LIMS1: variants seen among roughly 807,000 people sequenced by gnomAD.
The protein encoded by LIMS1 is LIM and senescent cell antigen-like-containing domain protein 1.
In LIMS1, 18 loss-of-function variants were observed where a neutral mutation model predicts 44.1. The ratio of observed to expected loss-of-function variants is 0.41; its 90% CI spans 0.28 to 0.61. The LOEUF is 0.61. Ranked by LOEUF, LIMS1 falls within the 20% of genes least tolerant of loss-of-function variation. The pLI, the probability that LIMS1 is intolerant of heterozygous loss-of-function variation, is 0.32. For missense variants in LIMS1, 201 were observed against 422.0 expected (o/e 0.48, Z 4.59); for synonymous variants, 93 against 149.1 (o/e 0.62, Z 2.74).
chr2:108,534,821 G>A (rs1684069883), intron 1 of LIMS1, among the ~76,000 whole-genome samples: 1 of 151,798 alleles, frequency 6.6e-6, no homozygotes, highest in African/African-American at 2.4e-5. Context: ...GGTGGCACAG[G>A]CGCTGACGCC....
At position 108,683,539 on chromosome 2, in the gene LIMS1, C is replaced by CAAAAA. The variant is rs35864001; in HGVS notation, c.900-330_900-326dup. ...TGAGTGACAGTCGAGGCTCTGTTTC[C>CAAAAA]AAAAAAAAAAAAAAAAAAAAGTGAT... is the stretch of plus-strand genomic sequence containing the variant. On this transcript the variant is annotated intron_variant, in intron 9 of 9. Transcript: ENST00000544547. Among the ~76,000 whole-genome samples the CAAAAA allele has an allele frequency of 2.2e-3, 233 of 105,926 alleles. 1 individual carries two copies. Among genetic ancestry groups the CAAAAA allele is most frequent in the African/African-American group, 8.7e-3 (223 of 25,778 alleles). The allele number at this position is 105,926 out of a possible 152,430, so 69.5% of individuals were successfully genotyped here.
intron 1 of LIMS1, among the ~76,000 whole-genome samples, chr2:108,612,218 C>CA (rs1271420849): frequency 1.3e-5 from 2 of 151,906 alleles, no homozygotes; most frequent in African/African-American, 4.8e-5. Context: ...TCACCTTCTT[C>CA]ACCAGACTTC....
At chr2:108,684,041 C>A (rs1400114145) in exon 10 of LIMS1, 1 of 1,015,568 alleles carries the variant, frequency 9.8e-7, no homozygotes, top group Non-Finnish European at 1.5e-6. Context: ...AAGAGATTAC[C>A]AACATTACTT....
At chr2:108,551,490 C>T (rs939371254) in intron 1 of LIMS1, among the ~76,000 whole-genome samples, 3 of 85,028 alleles carry the variant, frequency 3.5e-5, no homozygotes, top group Admixed American at 1.3e-4. Context: ...TGCGCGCGCG[C>T]GCACACACAC....
chr2:108,659,145 C>T (rs1417084589), intron 1 of LIMS1: 2 of 980,682 alleles, frequency 2.0e-6, no homozygotes, highest in African/African-American at 3.5e-5. Flanking sequence ...TAACCCGTGT[C>T]TAGGTTATAT....
intron 1 of LIMS1, among the ~76,000 whole-genome samples, chr2:108,547,711 C>T (rs966258531): frequency 1.3e-5 from 2 of 152,152 alleles, no homozygotes; most frequent in Non-Finnish European, 2.9e-5. Flanking sequence ...TCAAATTTTT[C>T]CTTGATAGAG....
At chr2:108,534,447 C>A (rs868669321) in exon 1 of LIMS1, 1 of 829,974 alleles carries the variant, frequency 1.2e-6, no homozygotes, top group Non-Finnish European at 1.6e-6. Context: ...TGGCCTTCCT[C>A]CCCTTCCTGC....
chr2:108,684,574 A>G (rs370463440), exon 10 of LIMS1: 1 of 152,112 alleles, frequency 6.6e-6, no homozygotes, highest in Non-Finnish European at 1.5e-5. Context: ...GTTAAATGCA[A>G]TAATTATTAT....
At chr2:108,543,456 T>G in intron 1 of LIMS1, among the ~76,000 whole-genome samples, 1 of 152,208 alleles carries the variant, frequency 6.6e-6, no homozygotes, top group East Asian at 1.9e-4. Flanking sequence ...ACCAAGAGTT[T>G]TGCCTAGGCC....
intron 1 of LIMS1, among the ~76,000 whole-genome samples, chr2:108,586,804 C>T (rs1053195402): frequency 1.3e-5 from 2 of 152,132 alleles, no homozygotes; most frequent in African/African-American, 2.4e-5. Context: ...CAAGAGAGAT[C>T]GCAGCTGCTT....
At chr2:108,563,996 C>T (rs374895373) in intron 1 of LIMS1, among the ~76,000 whole-genome samples, 3 of 131,248 alleles carry the variant, frequency 2.3e-5, no homozygotes, top group African/African-American at 8.7e-5. Context: ...TTCAAGGCTA[C>T]AGTGAGCTAT....
rs13394466 is a variant in LIMS1 at position 108,536,486 on chromosome 2, T to A, written c.32+1892T>A. Among the ~76,000 whole-genome samples, 635 of 152,356 alleles carry A rather than the reference T, an allele frequency of 4.2e-3. 6 individuals are homozygous for A. The highest frequency in any genetic ancestry group is 0.014 in the African/African-American group (597 of 41,586). On this transcript the variant is annotated intron_variant, in intron 1 of 9. Transcript: ENST00000544547. ...GCTCAGTAGTGCTCCATGGTATGGA[T>A]GTACAGCAGTTTAACTGTTCACATG...
At chr2:108,534,759 C>A (rs1036371633) in intron 1 of LIMS1, among the ~76,000 whole-genome samples, 165 bp downstream of exon 1, 1 of 151,524 alleles carries the variant, frequency 6.6e-6, no homozygotes, top group Non-Finnish European at 1.5e-5. Flanking sequence ...GGCGGCGTGG[C>A]TGCGTCCGGG....
intron 2 of LIMS1, among the ~76,000 whole-genome samples, chr2:108,661,517 G>A (rs1273913862): frequency 7.9e-5 from 12 of 152,062 alleles, no homozygotes; most frequent in Admixed American, 2.6e-4. Context: ...AGAGGCCAAT[G>A]TACCACAGCA....
intron 1 of LIMS1, among the ~76,000 whole-genome samples, chr2:108,571,611 G>A (rs1025728349): frequency 6.6e-6 from 1 of 152,162 alleles, no homozygotes; most frequent in Non-Finnish European, 1.5e-5. Flanking sequence ...CATTGGAATA[G>A]CATTTTATTG....
At chr2:108,561,889 C>T (rs1180970119) in intron 1 of LIMS1, among the ~76,000 whole-genome samples, 1 of 151,914 alleles carries the variant, frequency 6.6e-6, no homozygotes, top group African/African-American at 2.4e-5. Flanking sequence ...ACTACAGGCT[C>T]ATGCCACCAT....
chr2:108,562,983 A>C (rs1685175293), intron 1 of LIMS1, among the ~76,000 whole-genome samples: 1 of 152,236 alleles, frequency 6.6e-6, no homozygotes, highest in African/African-American at 2.4e-5. Context: ...CAGAGCCCTT[A>C]AGAATTATGC....
intron 1 of LIMS1, among the ~76,000 whole-genome samples, chr2:108,538,119 A>G (rs1684201923): frequency 6.6e-6 from 1 of 152,222 alleles, no homozygotes; most frequent in African/African-American, 2.4e-5. Flanking sequence ...GATGTCATCT[A>G]CATTATATGC....
chr2:108,557,967 G>T (rs1422411928), intron 1 of LIMS1, among the ~76,000 whole-genome samples: 1 of 152,198 alleles, frequency 6.6e-6, no homozygotes, highest in African/African-American at 2.4e-5. Context: ...ACAAAAGGCT[G>T]AATGTATGAA....
Sources: allele counts gnomAD v4.1 joint callset (sites outside exome capture counted in the v4.1 genomes callset), GRCh38; gene constraint gnomAD v4.1.1; transcripts MANE v1.5; gene names NCBI Gene and HGNC (gene_info 2026-07-23, HGNC 2026-07-21).